FH: variants seen among roughly 807,000 people sequenced by gnomAD.
The protein encoded by FH is fumarate hydratase, mitochondrial.
Under a neutral mutation model 49.4 loss-of-function variants are expected in FH, and 22 were observed. That is an observed-to-expected ratio of 0.45 (90% CI 0.32 to 0.64). The LOEUF is 0.64. Ranked by LOEUF, FH falls within the 30% of genes least tolerant of loss-of-function variation. The pLI, the probability that FH is intolerant of heterozygous loss-of-function variation, is 0.05. For missense variants in FH, 526 were observed against 641.5 expected, an observed-to-expected ratio of 0.82 and a Z score of 1.95; for synonymous variants, 208 against 223.0, an observed-to-expected ratio of 0.93 and a Z score of 0.60.
In FH at chr1:241,512,153, A is replaced by C. The variant is rs201020261; in HGVS notation, c.379-10T>G. On this transcript the variant is annotated splice_polypyrimidine_tract_variant and intron_variant, in intron 3 of 9. Transcript: ENST00000366560. ...ATTTACCTTCAGCTACCTGCAGAAAAAATGTTAAAAATGTATTTTAAAAAA... is the reference window on the plus strand; with the variant it reads ...ATTTACCTTCAGCTACCTGCAGAAACAATGTTAAAAATGTATTTTAAAAAA... 3.1e-6 allele frequency: 5 copies of C among 1,610,436 alleles called. No individual in the cohort carries two copies. Among genetic ancestry groups the C allele is most frequent in the Non-Finnish European group, 4.2e-6 (5 of 1,177,036 alleles).
chr1:241,503,722 T>C (rs1209426957), intron 7 of FH, among the ~76,000 whole-genome samples: 1 of 152,252 alleles, frequency 6.6e-6, no homozygotes, highest in Non-Finnish European at 1.5e-5. Flanking sequence ...AACAGGCATA[T>C]AACGGAATGC....
intron 8 of FH, among the ~76,000 whole-genome samples, chr1:241,502,093 A>G (rs996523451): frequency 2.8e-5 from 4 of 143,982 alleles, no homozygotes; most frequent in African/African-American, 7.5e-5. Context: ...GGAGGGGGCC[A>G]TGCTGGGCTG....
At chr1:241,498,237 T>C (rs1659673525) in intron 9 of FH, among the ~76,000 whole-genome samples, 1 of 152,192 alleles carries the variant, frequency 6.6e-6, no homozygotes, top group Admixed American at 6.5e-5. Flanking sequence ...AACTTAGATA[T>C]TTTGAAGGGG....
At chr1:241,519,471 A>G in intron 1 of FH, 120 bp downstream of exon 1, 1 of 1,259,002 alleles carries the variant, frequency 7.9e-7, no homozygotes, top group Non-Finnish European at 1.1e-6. Flanking sequence ...CTAAGCCCAG[A>G]GTCTGGCGCG....
intron 1 of FH, 181 bp downstream of exon 1, chr1:241,519,410 C>A (rs1660308229): frequency 2.9e-6 from 2 of 690,436 alleles, no homozygotes; most frequent in Admixed American, 3.8e-5. Flanking sequence ...TCCATCCCTG[C>A]GCCGGAAGAG....
At chr1:241,516,508 G>A (rs547708905) in intron 2 of FH, among the ~76,000 whole-genome samples, 3 of 152,256 alleles carry the variant, frequency 2.0e-5, no homozygotes, top group Admixed American at 6.5e-5. Flanking sequence ...GCCTGTGGGC[G>A]GAGGGGGAGC....
In FH at chr1:241,502,621, T is replaced by A. The variant is rs373903301; in HGVS notation, c.1109-51A>T. 1.5e-4 allele frequency: 245 copies of A among 1,596,188 alleles called. 1 individual carries two copies. In the African/African-American group the frequency reaches 3.2e-3, roughly 21 times the overall value. On this transcript the variant is annotated intron_variant, in intron 7 of 9. Coordinates refer to ENST00000366560, the MANE Select transcript of FH (RefSeq NM_000143.4). Reference sequence around the variant, plus strand: ...GTAAAGACTAAATTTATGCAAATAATCAGGAGAATAAAGAAATCTAATTTC... The same window carrying A: ...GTAAAGACTAAATTTATGCAAATAAACAGGAGAATAAAGAAATCTAATTTC...
chr1:241,515,775 C>A (rs995560970), intron 2 of FH, among the ~76,000 whole-genome samples: 1 of 152,180 alleles, frequency 6.6e-6, no homozygotes, highest in South Asian at 2.1e-4. Context: ...TTTCTCAATT[C>A]TTTTCACACT....
chr1:241,498,707 A>G (rs1573877047), intron 9 of FH, among the ~76,000 whole-genome samples: 1 of 22,666 alleles, frequency 4.4e-5, no homozygotes, highest in African/African-American at 1.6e-4. Flanking sequence ...ATATATATAT[A>G]TATATATATA....
At chr1:241,516,029 T>C (rs1452622456) in intron 2 of FH, among the ~76,000 whole-genome samples, 1 of 152,250 alleles carries the variant, frequency 6.6e-6, no homozygotes, top group Admixed American at 6.5e-5. Context: ...TGTGTTTGTG[T>C]ACTATACACT....
chr1:241,518,894 G>A (rs1041519987), intron 1 of FH, among the ~76,000 whole-genome samples: 2 of 152,198 alleles, frequency 1.3e-5, no homozygotes, highest in African/African-American at 4.8e-5. Context: ...AAAAAGTACC[G>A]ATTCAGCTCC....
At chr1:241,517,977 AAAGAC>A (rs1248266259) in intron 1 of FH, among the ~76,000 whole-genome samples, 4 of 152,158 alleles carry the variant, frequency 2.6e-5, no homozygotes, top group African/African-American at 9.7e-5. Context: ...AATCTCCACT[AAAGAC>A]AAGAATAAAA....
rs781047980 is a variant in FH at position 241,505,991 on chromosome 1, G to A, written c.904+12C>T. The A allele has an allele frequency of 2.5e-6, 4 of 1,612,700 alleles. No homozygotes were observed. The highest frequency in any genetic ancestry group is 3.3e-5 in the Admixed American group (2 of 59,974). The stretch of plus-strand genomic sequence containing the variant: ...GAAATGAAAATGAGAAATAATTCAC[G>A]TGATCACTAACCTGTAAGTGCAGCC... On this transcript the variant is annotated intron_variant, in intron 6 of 9. Transcript: ENST00000366560.
Position 241,505,470 on chromosome 1 carries a change from G to A in FH, c.904+533C>T, listed in dbSNP as rs116044515. On this transcript the variant is annotated intron_variant, in intron 6 of 9. Coordinates refer to ENST00000366560, the MANE Select transcript of FH (RefSeq NM_000143.4). ...GTGTATAATTATCTCTACCCTAACCGTCTGGTAACATCTACATCTTAATGA... is the reference window on the plus strand; with the variant it reads ...GTGTATAATTATCTCTACCCTAACCATCTGGTAACATCTACATCTTAATGA... Among the ~76,000 whole-genome samples the A allele has an allele frequency of 5.6e-3, 853 of 152,138 alleles. 9 individuals carry two copies. Among genetic ancestry groups the A allele is most frequent in the African/African-American group, 0.019 (794 of 41,518 alleles).
chr1:241,514,937 C>T (rs113172444), intron 2 of FH, among the ~76,000 whole-genome samples: 61 of 152,186 alleles, frequency 4.0e-4, no homozygotes, highest in Admixed American at 1.4e-3. Flanking sequence ...TGCCAATCAA[C>T]GCTGGCCATC....
chr1:241,499,882 CA>C (rs1659725364), intron 9 of FH, among the ~76,000 whole-genome samples: 1 of 152,060 alleles, frequency 6.6e-6, no homozygotes, highest in Admixed American at 6.6e-5. Context: ...TTTACAGTTC[CA>C]AAAAAGACTT....
At chr1:241,519,482 G>A in intron 1 of FH, 109 bp downstream of exon 1, 2 of 1,349,218 alleles carry the variant, frequency 1.5e-6, no homozygotes, top group Non-Finnish European at 9.9e-7. Context: ...GTCTGGCGCG[G>A]CCCGGACGCC....
intron 5 of FH, among the ~76,000 whole-genome samples, chr1:241,506,871 AGTC>A (rs1281281553): frequency 6.6e-6 from 1 of 152,222 alleles, no homozygotes; most frequent in Non-Finnish European, 1.5e-5. Flanking sequence ...CTCTATTAAT[AGTC>A]ATGCAGAAAC....
rs1346865158 is a variant in FH, at chr1:241,500,720, T to C, written c.1237-130A>G. On this transcript the variant is annotated intron_variant, in intron 8 of 9. Coordinates refer to ENST00000366560, the MANE Select transcript of FH (RefSeq NM_000143.4). ...GTAAATATACAATTCAATAAACATATAGATCTTCTACAAATTTTAAGGCAC... is the reference window on the plus strand; with the variant it reads ...GTAAATATACAATTCAATAAACATACAGATCTTCTACAAATTTTAAGGCAC... 1.6e-5 allele frequency: 21 copies of C among 1,273,434 alleles called. 1 individual carries two copies. The highest frequency in any genetic ancestry group is 2.5e-5 in the East Asian group (1 of 39,600). The allele number at this position is 1,273,434 out of a possible 1,614,324, so 78.9% of individuals were successfully genotyped here.
Sources: allele counts gnomAD v4.1 joint callset (sites outside exome capture counted in the v4.1 genomes callset), GRCh38; gene constraint gnomAD v4.1.1; transcripts MANE v1.5; gene names NCBI Gene and HGNC (gene_info 2026-07-23, HGNC 2026-07-21).